Variants in AEBP2 observed in about 807,000 individuals in gnomAD.
AEBP2 encodes the protein AE binding protein 2.
AEBP2 carries 10 observed loss-of-function variants against 50.8 expected under a neutral mutation model. The ratio of observed to expected loss-of-function variants is 0.20; its 90% CI spans 0.12 to 0.33. The LOEUF is 0.33. AEBP2 is among the 10% of genes least tolerant of loss of function. The pLI, the probability that AEBP2 is intolerant of heterozygous loss-of-function variation, is 1.00. For missense variants in AEBP2, 570 were observed against 688.0 expected (o/e 0.83, Z 1.92); for synonymous variants, 296 against 261.3 (o/e 1.13, Z -1.28).
At chr12:19,467,506 C>G (rs1236298644) in intron 2 of AEBP2, among the ~76,000 whole-genome samples, 3 of 151,930 alleles carry the variant, frequency 2.0e-5, no homozygotes, top group Admixed American at 6.6e-5. Flanking sequence ...GTTGGCCCGC[C>G]TAGTCTCGAA....
intron 3 of AEBP2, among the ~76,000 whole-genome samples, chr12:19,488,233 C>T (rs958942489): frequency 6.6e-6 from 1 of 151,380 alleles, no homozygotes; most frequent in East Asian, 1.9e-4. Context: ...AGGTGGTCCT[C>T]CCACCTCAGC....
upstream of AEBP2, among the ~76,000 whole-genome samples, chr12:19,437,110 C>T (rs1349000616): frequency 6.6e-6 from 1 of 152,198 alleles, no homozygotes; most frequent in Non-Finnish European, 1.5e-5. Flanking sequence ...GAGAAGTCTG[C>T]TCTATACCTG....
At chr12:19,456,228 G>C in intron 1 of AEBP2, 3 of 1,485,094 alleles carry the variant, frequency 2.0e-6, no homozygotes, top group Non-Finnish European at 2.8e-6. Flanking sequence ...CGGGGTGGCA[G>C]GTATTAGGGA....
At chr12:19,430,293 T>C (rs1223914285) in intron 1 of AEBP2, among the ~76,000 whole-genome samples, 3 of 152,182 alleles carry the variant, frequency 2.0e-5, no homozygotes, top group Non-Finnish European at 4.4e-5. Context: ...TGTAGATATG[T>C]GGCATTATTT....
intron 3 of AEBP2, 139 bp downstream of exon 3, chr12:19,473,494 C>G (rs552734334): frequency 1.2e-5 from 3 of 253,494 alleles, no homozygotes; most frequent in African/African-American, 2.3e-5. Context: ...CAGCCTCCAC[C>G]TGCTGTGTTC....
intron 1 of AEBP2, among the ~76,000 whole-genome samples, chr12:19,419,708 T>A (rs191712144): frequency 6.6e-6 from 1 of 152,046 alleles, no homozygotes; most frequent in African/African-American, 2.4e-5. Flanking sequence ...AGCGGGCAGA[T>A]AGACTGAACT....
intron 1 of AEBP2, among the ~76,000 whole-genome samples, chr12:19,411,565 G>A (rs779615465): frequency 8.5e-5 from 13 of 152,282 alleles, no homozygotes; most frequent in East Asian, 3.9e-4. Context: ...TTAGAGTTGG[G>A]AGGATTAAAT....
At chr12:19,481,178 T>C (rs1335609859) in intron 3 of AEBP2, among the ~76,000 whole-genome samples, 2 of 143,092 alleles carry the variant, frequency 1.4e-5, no homozygotes, top group African/African-American at 5.1e-5. Flanking sequence ...TCCACTCACT[T>C]CAACCTCCGC....
intron 3 of AEBP2, among the ~76,000 whole-genome samples, chr12:19,480,587 A>ACT (rs1555185359): frequency 1.1e-3 from 172 of 152,246 alleles, no homozygotes; most frequent in Admixed American, 2.2e-3. Context: ...GCTGATAATT[A>ACT]TTGTTTCAGG....
chr12:19,408,940 A>G (rs2153363021), intron 1 of AEBP2, among the ~76,000 whole-genome samples: 1 of 152,138 alleles, frequency 6.6e-6, no homozygotes, highest in Non-Finnish European at 1.5e-5. Context: ...GTAAAAATAA[A>G]TAAAGCAAAA....
At chr12:19,460,402 C>T (rs563290207) in intron 1 of AEBP2, among the ~76,000 whole-genome samples, 1 of 152,248 alleles carries the variant, frequency 6.6e-6, no homozygotes, top group Admixed American at 6.5e-5. Flanking sequence ...AGTGCAGTGG[C>T]GTTACCTTGG....
chr12:19,443,103 CTT>C (rs67170632), intron 1 of AEBP2, among the ~76,000 whole-genome samples: 38 of 142,722 alleles, frequency 2.7e-4, no homozygotes, highest in Admixed American at 2.8e-4. Context: ...ATATCTTTTT[CTT>C]TTTTTTTTTT....
intron 1 of AEBP2, 54 bp downstream of exon 1, chr12:19,440,424 C>T (rs1489168697): frequency 6.9e-6 from 10 of 1,452,150 alleles, no homozygotes; most frequent in East Asian, 2.4e-5. Flanking sequence ...CTCCCGGGCC[C>T]CTCAGAGGGG....
chr12:19,435,509 T>A (rs1000573302), upstream of AEBP2, among the ~76,000 whole-genome samples: 2 of 152,174 alleles, frequency 1.3e-5, no homozygotes, highest in Non-Finnish European at 2.9e-5. Context: ...CAGTGCTGGA[T>A]TACAGGCATG....
intron 1 of AEBP2, chr12:19,440,582 A>C (rs61914968): frequency 6.3e-6 from 9 of 1,433,480 alleles, no homozygotes; most frequent in Non-Finnish European, 8.3e-6. Context: ...TTCCCCCCCA[A>C]CTCTCCTTTC....
At chr12:19,466,515 G>T (rs2075188291) in intron 2 of AEBP2, among the ~76,000 whole-genome samples, 1 of 152,110 alleles carries the variant, frequency 6.6e-6, no homozygotes, top group African/African-American at 2.4e-5. Context: ...TCACCTTATT[G>T]TGTAATCGCC....
At chr12:19,481,771 G>T (rs980083555) in intron 3 of AEBP2, among the ~76,000 whole-genome samples, 2 of 152,158 alleles carry the variant, frequency 1.3e-5, no homozygotes, top group African/African-American at 4.8e-5. Context: ...GAGCCACGGT[G>T]CCCAGCCTCC....
intron 1 of AEBP2, among the ~76,000 whole-genome samples, chr12:19,434,207 CTT>C (rs756166265): frequency 1.4e-5 from 2 of 145,754 alleles, no homozygotes; most frequent in Non-Finnish European, 3.0e-5. Context: ...GAGTTTTGCT[CTT>C]GTTGCCCAGG....
chr12:19,477,304 C>G (rs1197162358), intron 3 of AEBP2, among the ~76,000 whole-genome samples: 1 of 152,120 alleles, frequency 6.6e-6, no homozygotes, highest in African/African-American at 2.4e-5. Context: ...TTTCTTTTCT[C>G]TGATTGCTCT....
Sources: gnomAD v4.1 joint callset for allele counts (sites outside exome capture counted in the v4.1 genomes callset) on GRCh38, gnomAD v4.1.1 for gene constraint, MANE v1.5 for transcripts, NCBI Gene and HGNC (gene_info 2026-07-23, HGNC 2026-07-21) for gene names.